The following ALPP variants were observed in gnomAD, a reference collection of about 807,000 sequenced individuals.
ALPP encodes the protein alkaline phosphatase, placental.
A neutral mutation model predicts 50.7 loss-of-function variants in ALPP; 39 were observed. The ratio of observed to expected loss-of-function variants is 0.77; its 90% CI spans 0.60 to 1.00. The LOEUF is 1.00. Among genes scored for constraint, ALPP ranks in the 50% least tolerant of loss-of-function variants. The pLI, the probability that ALPP is intolerant of heterozygous loss-of-function variation, is 0.00. For missense variants in ALPP, 550 were observed against 746.8 expected (o/e 0.74, Z 3.07); for synonymous variants, 226 against 320.3 (o/e 0.71, Z 3.14).
intron 5 of ALPP, 114 bp from the exon 6 acceptor site, chr2:232,380,072 C>G (rs1348458818): frequency 1.3e-6 from 2 of 1,582,602 alleles, no homozygotes; most frequent in East Asian, 4.5e-5. Flanking sequence ...GAAGGTGCAG[C>G]CCAGGCTGGG....
chr2:232,381,396 G>C, intron 10 of ALPP, 29 bp downstream of exon 10: 1 of 1,613,956 alleles, frequency 6.2e-7, no homozygotes, highest in South Asian at 1.1e-5. Context: ...CCCCCTGAGG[G>C]GGACCAGGGT....
In ALPP at chr2:232,379,909, G is replaced by T. The variant is rs145336626; in HGVS notation, c.630G>T (p.Thr210=). 4 of 1,611,752 alleles carry T rather than the reference G, an allele frequency of 2.5e-6. No individual in the cohort carries two copies. The Admixed American group carries it at 5.0e-5, about 20-fold the overall frequency. The part of the protein sequence containing the change: ...ARQEGCQDIA[T]QLISNMDIDV... ...AGGAGGGGTGCCAGGACATCGCTAC[G>T]CAGCTCATCTCCAACATGGACATTG... Residue 210 remains threonine (T), a synonymous_variant, in exon 5 of 11, where the codon ACG becomes ACT. Coordinates refer to ENST00000392027, the MANE Select transcript of ALPP (RefSeq NM_001632.5).
intron 1 of ALPP, 36 bp from the exon 2 acceptor site, chr2:232,378,935 C>A (rs3748969): frequency 0.081 from 130,661 of 1,613,768 alleles, 6,196 homozygotes; most frequent in East Asian, 0.23. Context: ...ACCCCCCAGC[C>A]CAGGCTGACC....
rs148987850 is a variant in ALPP, at chr2:232,379,862, G to A, written c.583G>A (p.Asp195Asn). Residue 195 changes from aspartate (D) to asparagine (N), a missense_variant, in exon 5 of 11, where the codon GAC (aspartate) becomes AAC (asparagine). Asp to Asn is a conservative substitution (Grantham distance 23). Transcript: ENST00000392027. ...TVNRNWYSDADVPASARQEGC... is the reference protein window; with the variant it reads ...TVNRNWYSDANVPASARQEGC... ...GAACCGCAACTGGTACTCGGACGCC[G>A]ACGTGCCTGCCTCCGCCCGCCAGGA... is the stretch of plus-strand genomic sequence containing the variant. 280 of 1,613,418 alleles carry A rather than the reference G, an allele frequency of 1.7e-4. No individual in the cohort carries two copies. Among genetic ancestry groups the A allele is most frequent in the Non-Finnish European group, 2.3e-4 (269 of 1,179,892 alleles).
Position 232,382,814 on chromosome 2 carries a change from C to G in ALPP, c.*1019C>G, listed in dbSNP as rs1445899159. Reference sequence around the variant, plus strand: ...CTGCACTGCAGCCTGGGCGACAGAGCGAGATTCTGCCTCAAAAATAAACAA... The same window carrying G: ...CTGCACTGCAGCCTGGGCGACAGAGGGAGATTCTGCCTCAAAAATAAACAA... On this transcript the variant is annotated 3_prime_UTR_variant, in exon 11 of 11. Coordinates refer to ENST00000392027, the MANE Select transcript of ALPP (RefSeq NM_001632.5). The G allele has an allele frequency of 6.6e-6, 1 of 151,938 alleles. No individual in the cohort carries two copies. Among genetic ancestry groups the G allele is most frequent in the Non-Finnish European group, 1.5e-5 (1 of 68,016 alleles). The allele number at this position is 151,938 out of a possible 1,614,324, so 9.4% of individuals were successfully genotyped here.
Position 232,380,279 on chromosome 2 carries a change from G to A in ALPP, c.751G>A (p.Asp251Asn), listed in dbSNP as rs141711512. The change falls in exon 6 of 11, where the codon GAC becomes AAC. Residue 251 changes from aspartate (D) to asparagine (N), a missense_variant. This residue lies in a region of ALPP where 376 missense variants were observed against 388.5 expected (regional missense o/e 0.97). Coordinates refer to ENST00000392027, the MANE Select transcript of ALPP (RefSeq NM_001632.5). ...CTACAGCCAAGGTGGGACCAGGCTG[G>A]ACGGGAAGAATCTGGTGCAGGAATG... ...DDYSQGGTRL[D>N]GKNLVQEWLA... 208 of 1,613,958 alleles carry A rather than the reference G, an allele frequency of 1.3e-4. No homozygotes were observed. The highest frequency in any genetic ancestry group is 1.7e-4 in the Non-Finnish European group (198 of 1,180,020).
At chr2:232,378,908 C>T in intron 1 of ALPP, 30 bp downstream of exon 1, 1 of 1,609,258 alleles carries the variant, frequency 6.2e-7, no homozygotes, top group East Asian at 2.2e-5. Context: ...TGCCCCTACA[C>T]AACACACACA....
chr2:232,381,451 C>G, intron 10 of ALPP, 46 bp from the exon 11 acceptor site: 1 of 1,612,514 alleles, frequency 6.2e-7, no homozygotes, highest in Non-Finnish European at 8.5e-7. Context: ...TCCTGTCTGC[C>G]TGGAACTGAA....
At position 232,378,751 on chromosome 2, in the gene ALPP, A is replaced by G; in HGVS notation, c.-52A>G. On this transcript the variant is annotated 5_prime_UTR_variant, in exon 1 of 11. Transcript: ENST00000392027. Reference sequence around the variant, plus strand: ...ACCCGGGCAGCCTGGAGTGCAGCTCATACTCCATGCCCAGAATTCCTGCCT... The same window carrying G: ...ACCCGGGCAGCCTGGAGTGCAGCTCGTACTCCATGCCCAGAATTCCTGCCT... 6.3e-7 allele frequency: 1 copy of G among 1,598,240 alleles called. No homozygotes were observed. The highest frequency in any genetic ancestry group is 8.5e-7 in the Non-Finnish European group (1 of 1,171,572).
chr2:232,378,910 A>G lies in ALPP; in HGVS notation c.76+32A>G, dbSNP rs778323944. ...AGGCTCCCCGAGCTGCCCCTACACAACACACACACAGGGCACCCCCCAGCC... is the reference window on the plus strand; with the variant it reads ...AGGCTCCCCGAGCTGCCCCTACACAGCACACACACAGGGCACCCCCCAGCC... On this transcript the variant is annotated intron_variant, in intron 1 of 10. Transcript: ENST00000392027. 5 of 1,568,792 alleles carry G rather than the reference A, an allele frequency of 3.2e-6. No individual in the cohort carries two copies. In the Admixed American group the frequency reaches 6.9e-5, roughly 22 times the overall value.
intron 3 of ALPP, 41 bp from the exon 4 acceptor site, chr2:232,379,472 T>C (rs1284894821): frequency 1.9e-6 from 3 of 1,611,050 alleles, no homozygotes; most frequent in Admixed American, 1.7e-5. Context: ...TGGGTCTCCG[T>C]GTCTGCCCCA....
At chr2:232,380,397 C>T in intron 6 of ALPP, 23 bp from the exon 7 acceptor site, 4 of 1,613,450 alleles carry the variant, frequency 2.5e-6, no homozygotes, top group Non-Finnish European at 3.4e-6. Context: ...TGGGCTGAGG[C>T]CTGGCTCTCT....
intron 2 of ALPP, 40 bp downstream of exon 2, chr2:232,379,127 C>T: frequency 6.2e-7 from 1 of 1,614,124 alleles, no homozygotes; most frequent in Non-Finnish European, 8.5e-7. Flanking sequence ...GCCCTCACAG[C>T]CCCGGCGCCC....
chr2:232,380,344 G>A, intron 6 of ALPP, 24 bp downstream of exon 6: 3 of 1,612,974 alleles, frequency 1.9e-6, no homozygotes, highest in Non-Finnish European at 2.5e-6. Context: ...GCGGGTGCAG[G>A]GGGCACAGCA....
chr2:232,380,363 G>A (rs776775333), intron 6 of ALPP, 43 bp downstream of exon 6: 2 of 1,613,306 alleles, frequency 1.2e-6, no homozygotes, highest in Admixed American at 1.7e-5. Context: ...CAGGGGGAGG[G>A]CAGAGGTGTG....
Position 232,381,762 on chromosome 2 carries a change from C to T in ALPP, c.1575C>T (p.Thr525=), listed in dbSNP as rs752108184. Residue 525 remains threonine, a synonymous_variant, in exon 11 of 11, where the codon ACC becomes ACT. Coordinates refer to ENST00000392027, the MANE Select transcript of ALPP (RefSeq NM_001632.5). ...CGTTGCTTCCTCTGCTGGCCGGGACCCTGCTGCTGCTGGAGACGGCCACTG... is the reference window on the plus strand; with the variant it reads ...CGTTGCTTCCTCTGCTGGCCGGGACTCTGCTGCTGCTGGAGACGGCCACTG... ...VPALLPLLAG[T]LLLLETATAP The T allele has an allele frequency of 1.3e-6, 2 of 1,590,332 alleles. No homozygotes were observed. The highest frequency in any genetic ancestry group is 1.3e-5 in the African/African-American group (1 of 74,544).
rs770595893 is a variant in ALPP at position 232,379,521 on chromosome 2, T to C, written c.318T>C (p.Asn106=). The C allele has an allele frequency of 2.5e-6, 4 of 1,614,000 alleles. No individual in the cohort carries two copies. The highest frequency in any genetic ancestry group is 4.5e-5 in the East Asian group (2 of 44,880). ...FPYVALSKTY[N]VDKHVPDSGA... is the part of the protein sequence containing the mutation. ...AGTGTCTCTGTCCCCAGACATACAA[T>C]GTAGACAAACATGTGCCAGACAGTG... Residue 106 remains asparagine, a synonymous_variant, in exon 4 of 11, where the codon AAT becomes AAC. Transcript: ENST00000392027.
Position 232,379,570 on chromosome 2 carries a change from T to A in ALPP, c.367T>A (p.Cys123Ser), listed in dbSNP as rs1173307754. The change falls in exon 4 of 11, where the codon TGC (cysteine) becomes AGC (serine). Residue 123 changes from cysteine to serine, a missense_variant. Transcript: ENST00000392027. ...DSGATATAYL[C>S]GVKGNFQTIG... The stretch of plus-strand genomic sequence containing the variant: ...TGGAGCCACAGCCACGGCCTACCTG[T>A]GCGGGGTCAAGGGCAACTTCCAGAC... 6.2e-7 allele frequency: 1 copy of A among 1,614,074 alleles called. No homozygotes were observed. Among genetic ancestry groups the A allele is most frequent in the East Asian group, 2.2e-5 (1 of 44,876 alleles).
In ALPP at chr2:232,379,078, C is replaced by G; in HGVS notation, c.184C>G (p.Leu62Val). The stretch of plus-strand genomic sequence containing the variant: ...AGCCGCCAAGAACCTCATCATCTTC[C>G]TGGGCGATGGTGAGTGAGCCAGGCC... ...QTAAKNLIIF[L>V]GDGMGVSTVT... The change falls in exon 2 of 11, where the codon CTG becomes GTG. Residue 62 changes from leucine (L) to valine (V), a missense_variant. Transcript: ENST00000392027. 6.2e-7 allele frequency: 1 copy of G among 1,614,110 alleles called. No individual in the cohort carries two copies. Among genetic ancestry groups the G allele is most frequent in the South Asian group, 1.1e-5 (1 of 91,074 alleles).
Sources: gnomAD v4.1 joint callset for allele counts on GRCh38, gnomAD v4.1.1 for gene constraint, gnomAD v4.1.1 regional missense constraint, MANE v1.5 for transcripts, NCBI Gene and HGNC (gene_info 2026-07-23, HGNC 2026-07-21) for gene names.